STXBP5: variants seen among roughly 807,000 people sequenced by gnomAD.
STXBP5 encodes syntaxin-binding protein 5.
Under a neutral mutation model 152.4 loss-of-function variants are expected in STXBP5, and 50 were observed. The ratio of observed to expected loss-of-function variants is 0.33; its 90% CI spans 0.26 to 0.42. STXBP5 has a LOEUF of 0.42. Ranked by LOEUF, STXBP5 falls within the 10% of genes least tolerant of loss-of-function variation. STXBP5 has a pLI of 1.00. For synonymous variants in STXBP5, 492 were observed against 494.7 expected (o/e 0.99, Z 0.07); for missense variants, 1,167 against 1,388.6 (o/e 0.84, Z 2.54).
At position 147,204,469 on chromosome 6, in the gene STXBP5, T is replaced by G; in HGVS notation, c.-64T>G. On this transcript the variant is annotated 5_prime_UTR_variant, in exon 1 of 28. Transcript: ENST00000321680. The surrounding 1 kb of genome is among the most constrained non-coding windows in gnomAD (Gnocchi z 4.3). ...CGAAGCTGCCTTCGGCCCCGGGTGG[T>G]CTCCCCCGCCCGGGGACCCCCTGTG... is the stretch of plus-strand genomic sequence containing the variant. The G allele has an allele frequency of 1.3e-6, 2 of 1,556,856 alleles. No individual in the cohort carries two copies. Among genetic ancestry groups the G allele is most frequent in the Non-Finnish European group, 1.7e-6 (2 of 1,148,504 alleles).
At chr6:147,348,683 T>C (rs1463848491) in intron 21 of STXBP5, among the ~76,000 whole-genome samples, 2 of 152,198 alleles carry the variant, frequency 1.3e-5, no homozygotes, top group African/African-American at 2.4e-5. Context: ...ATTAATTTCC[T>C]CCTATAAAAC....
At chr6:147,358,841 A>G (rs1399359936) in intron 22 of STXBP5, among the ~76,000 whole-genome samples, 1 of 152,126 alleles carries the variant, frequency 6.6e-6, no homozygotes, top group Non-Finnish European at 1.5e-5. Flanking sequence ...AGAAAGAGAA[A>G]GAGGGAGGGG....
At chr6:147,304,451 T>C (rs1265376533) in intron 9 of STXBP5, among the ~76,000 whole-genome samples, 3 of 152,200 alleles carry the variant, frequency 2.0e-5, no homozygotes, top group Admixed American at 2.0e-4. Context: ...AGAAGTTTGC[T>C]GCAGGGGTGA....
chr6:147,323,928 C>G (rs1271213109), intron 16 of STXBP5, among the ~76,000 whole-genome samples: 1 of 152,156 alleles, frequency 6.6e-6, no homozygotes, highest in Non-Finnish European at 1.5e-5. Context: ...CCTCTAAAGT[C>G]TGGCCCTGGC....
chr6:147,316,559 A>AT (rs1405333626), intron 16 of STXBP5, 152 bp downstream of exon 16: 7 of 625,832 alleles, frequency 1.1e-5, no homozygotes, highest in Non-Finnish European at 1.7e-5. Flanking sequence ...AGTCCAACTC[A>AT]TTTTTCTATG....
rs191703469 is a variant in STXBP5 at position 147,366,069 on chromosome 6, C to T, written c.3081+1903C>T. Among the ~76,000 whole-genome samples, 39 of 152,158 alleles carry T rather than the reference C, an allele frequency of 2.6e-4. 1 individual carries two copies. The East Asian group carries it at 6.4e-3, about 25-fold the overall frequency. The stretch of plus-strand genomic sequence containing the variant: ...AGAGTGTTCAGGACATGGCACAGGG[C>T]GAAGGTACTAAGTTAAAGCCTGGCA... On this transcript the variant is annotated intron_variant, in intron 25 of 27. Transcript: ENST00000321680.
chr6:147,312,662 C>T (rs146987613), intron 11 of STXBP5, among the ~76,000 whole-genome samples: 46 of 152,146 alleles, frequency 3.0e-4, no homozygotes, highest in Non-Finnish European at 4.1e-4. Context: ...TGAGGTTGGG[C>T]GACCCTGAAT....
intron 2 of STXBP5, among the ~76,000 whole-genome samples, chr6:147,233,293 T>C (rs1313630646): frequency 1.3e-5 from 2 of 151,858 alleles, no homozygotes; most frequent in East Asian, 3.9e-4. Context: ...CTCGTATTGG[T>C]TGACATTATC....
chr6:147,292,752 T>G (rs1468748286), intron 9 of STXBP5: 1 of 152,336 alleles, frequency 6.6e-6, no homozygotes, highest in East Asian at 1.9e-4. Context: ...AAATATTGAC[T>G]GGCAACAAAG....
In STXBP5 at chr6:147,314,183, A is replaced by G. The variant is rs1211886524; in HGVS notation, c.1294-81A>G. On this transcript the variant is annotated intron_variant, in intron 12 of 27. Transcript: ENST00000321680. Reference sequence around the variant, plus strand: ...AAATATGTTTTTCACTGGATTATTTACACACACACACACACACACACACAC... The same window carrying G: ...AAATATGTTTTTCACTGGATTATTTGCACACACACACACACACACACACAC... The G allele has an allele frequency of 4.2e-6, 3 of 710,576 alleles. No individual in the cohort carries two copies. The African/African-American group carries it at 1.8e-4, about 42-fold the overall frequency. 44.0% of individuals were successfully genotyped at this position (710,576 alleles called of 1,614,324 possible). A position where few individuals can be genotyped will look rare whatever the true frequency, so the allele number is the denominator to read the frequency against.
At chr6:147,359,402 A>G (rs1784961533) in intron 23 of STXBP5, 79 bp downstream of exon 23, 1 of 1,516,338 alleles carries the variant, frequency 6.6e-7, no homozygotes, top group Non-Finnish European at 8.8e-7. Flanking sequence ...TCATTCTTGA[A>G]TTGATCTAAG....
At chr6:147,238,426 A>G (rs2115194898) in intron 3 of STXBP5, among the ~76,000 whole-genome samples, 1 of 152,260 alleles carries the variant, frequency 6.6e-6, no homozygotes, top group South Asian at 2.1e-4. Flanking sequence ...GACCCAAATG[A>G]GGGATGGTTC....
chr6:147,357,118 T>A (rs1200579500), intron 22 of STXBP5, among the ~76,000 whole-genome samples: 1 of 152,084 alleles, frequency 6.6e-6, no homozygotes, highest in Non-Finnish European at 1.5e-5. Context: ...AAGTCAGAAA[T>A]AACTACAGAA....
At chr6:147,349,440 C>G (rs1188705931) in intron 21 of STXBP5, among the ~76,000 whole-genome samples, 2 of 152,054 alleles carry the variant, frequency 1.3e-5, no homozygotes, top group Non-Finnish European at 2.9e-5. Context: ...TATATATTGT[C>G]AAAACTCAGT....
intron 21 of STXBP5, among the ~76,000 whole-genome samples, chr6:147,350,444 C>T (rs1306661991): frequency 6.6e-6 from 1 of 151,886 alleles, no homozygotes; most frequent in Non-Finnish European, 1.5e-5. Context: ...AATAAACGTT[C>T]CTAATTGATT....
chr6:147,339,089 C>T (rs1783971898), intron 19 of STXBP5, 90 bp from the exon 20 acceptor site: 1 of 1,130,084 alleles, frequency 8.8e-7, no homozygotes. Flanking sequence ...TGAAAGTTAC[C>T]AGATTTTTTA....
rs1786400724 is a variant in STXBP5 at position 147,387,569 on chromosome 6, A to G, written c.*2814A>G. On this transcript the variant is annotated 3_prime_UTR_variant, in exon 28 of 28. Transcript: ENST00000321680. ...TCTTATATTCTGACAAATTCTGTAC[A>G]TTACATCCATTTGAAGTTTTGCATC... 1 of 151,790 alleles carries G rather than the reference A, an allele frequency of 6.6e-6. No individual in the cohort carries two copies. Among genetic ancestry groups the G allele is most frequent in the Admixed American group, 6.6e-5 (1 of 15,202 alleles). The allele number at this position is 151,790 out of a possible 1,614,324, so 9.4% of individuals were successfully genotyped here.
intron 22 of STXBP5, 80 bp from the exon 23 acceptor site, chr6:147,359,004 G>A (rs1784937585): frequency 6.6e-7 from 1 of 1,506,472 alleles, no homozygotes; most frequent in Non-Finnish European, 8.9e-7. Context: ...TTAACTATTT[G>A]ACCAAATTTA....
chr6:147,232,179 A>C (rs1273557491), intron 2 of STXBP5, among the ~76,000 whole-genome samples: 1 of 151,850 alleles, frequency 6.6e-6, no homozygotes, highest in Admixed American at 6.6e-5. Flanking sequence ...CAGAGCTGGC[A>C]TATGAACTAA....
Sources: allele counts gnomAD v4.1 joint callset (sites outside exome capture counted in the v4.1 genomes callset), GRCh38; gene constraint gnomAD v4.1.1; non-coding constraint Gnocchi (gnomAD v3.1); transcripts MANE v1.5; gene names NCBI Gene and HGNC (gene_info 2026-07-23, HGNC 2026-07-21).